The following ADAM2 variants were observed in gnomAD, a reference collection of about 807,000 sequenced individuals.
The protein encoded by ADAM2 is disintegrin and metalloproteinase domain-containing protein 2.
In ADAM2, 101 loss-of-function variants were observed where a neutral mutation model predicts 99.3. That is an observed-to-expected ratio of 1.02 (90% CI 0.87 to 1.20). The LOEUF is 1.20. Among genes scored for constraint, ADAM2 ranks in the 50% most tolerant of loss-of-function variants. The probability of loss-of-function intolerance (pLI) is 0.00; values close to 1 mark genes in which losing one functional copy is unlikely to be tolerated. For missense variants in ADAM2, 948 were observed against 878.7 expected, an observed-to-expected ratio of 1.08 and a Z score of -1.00; for synonymous variants, 323 against 287.6, an observed-to-expected ratio of 1.12 and a Z score of -1.25.
chr8:39,810,723 T>G (rs1563373247), intron 6 of ADAM2, among the ~76,000 whole-genome samples: 1 of 152,200 alleles, frequency 6.6e-6, no homozygotes, highest in Non-Finnish European at 1.5e-5. Flanking sequence ...ATAAAGATGT[T>G]CTTTGAAACC....
chr8:39,755,856 T>A lies in ADAM2; in HGVS notation c.1669A>T (p.Ile557Phe). 1.3e-6 allele frequency: 2 copies of A among 1,598,588 alleles called. No individual in the cohort carries two copies. Among genetic ancestry groups the A allele is most frequent in the Non-Finnish European group, 1.7e-6 (2 of 1,167,122 alleles). The change falls in exon 16 of 21, where the codon ATT becomes TTT. Residue 557 changes from isoleucine to phenylalanine, a missense_variant. Coordinates refer to ENST00000265708, the MANE Select transcript of ADAM2 (RefSeq NM_001464.5). Reference protein sequence around the residue: ...CKYVGKFLLQIPRATIIYANI... With the variant: ...CKYVGKFLLQFPRATIIYANI... Reference sequence around the variant, plus strand: ...GCATAAATAATAGTGGCTCTTGGAATTTGTAATAAAAATTTACCTACATAT... The same window carrying A: ...GCATAAATAATAGTGGCTCTTGGAAATTGTAATAAAAATTTACCTACATAT...
At chr8:39,749,253 C>A in intron 18 of ADAM2, 59 bp downstream of exon 18, 1 of 1,423,454 alleles carries the variant, frequency 7.0e-7, no homozygotes, top group Non-Finnish European at 9.6e-7. Flanking sequence ...TATTTGTTAT[C>A]CAATTTAATA....
At chr8:39,762,923 T>C (rs1308631985) in intron 14 of ADAM2, among the ~76,000 whole-genome samples, 1 of 152,218 alleles carries the variant, frequency 6.6e-6, no homozygotes, top group Non-Finnish European at 1.5e-5. Flanking sequence ...CCAATGGATT[T>C]TGTTTCTCTG....
intron 16 of ADAM2, among the ~76,000 whole-genome samples, chr8:39,754,560 G>A (rs1485671908): frequency 6.6e-6 from 1 of 152,100 alleles, no homozygotes; most frequent in East Asian, 1.9e-4. Context: ...TTTAATAAAA[G>A]CAAATGTGTT....
At chr8:39,827,438 T>A (rs1418802263) in intron 3 of ADAM2, among the ~76,000 whole-genome samples, 1 of 152,118 alleles carries the variant, frequency 6.6e-6, no homozygotes, top group East Asian at 1.9e-4. Context: ...GTAATAAACA[T>A]CTCCCAGGTT....
chr8:39,747,350 C>T (rs1057180878), intron 18 of ADAM2, among the ~76,000 whole-genome samples: 4 of 152,152 alleles, frequency 2.6e-5, no homozygotes, highest in African/African-American at 9.7e-5. Flanking sequence ...TCGCAAATCT[C>T]TTTGACATAA....
At chr8:39,797,207 C>T (rs1803998653) in intron 7 of ADAM2, among the ~76,000 whole-genome samples, 1 of 152,000 alleles carries the variant, frequency 6.6e-6, no homozygotes, top group Non-Finnish European at 1.5e-5. Flanking sequence ...CTTTAATCCA[C>T]CTTAAGTTAA....
At chr8:39,774,390 A>C (rs1355008690) in intron 11 of ADAM2, among the ~76,000 whole-genome samples, 1 of 152,060 alleles carries the variant, frequency 6.6e-6, no homozygotes, top group African/African-American at 2.4e-5. Flanking sequence ...ATATAATTAC[A>C]TGTGAATACA....
At chr8:39,810,431 G>A (rs192165689) in intron 6 of ADAM2, among the ~76,000 whole-genome samples, 116 of 152,274 alleles carry the variant, frequency 7.6e-4, no homozygotes, top group African/African-American at 2.6e-3. Context: ...GCACCAAGTG[G>A]ACCTAATAGA....
At chr8:39,767,489 G>T (rs1802617903) in intron 12 of ADAM2, among the ~76,000 whole-genome samples, 1 of 152,148 alleles carries the variant, frequency 6.6e-6, no homozygotes, top group Admixed American at 6.5e-5. Flanking sequence ...CTGATAAAAG[G>T]ATTCTCTGAA....
chr8:39,789,466 A>G (rs995954523), intron 7 of ADAM2, among the ~76,000 whole-genome samples: 1 of 151,786 alleles, frequency 6.6e-6, no homozygotes, highest in Non-Finnish European at 1.5e-5. Flanking sequence ...AGCACAGAAA[A>G]ATGAAAATTA....
At chr8:39,767,091 A>C (rs776931430) in intron 13 of ADAM2, 48 bp from the exon 14 acceptor site, 2 of 1,599,696 alleles carry the variant, frequency 1.3e-6, no homozygotes, top group South Asian at 2.2e-5. Context: ...ATGAGAATAC[A>C]TAAGCATAAT....
chr8:39,766,776 T>C (rs988770254), intron 14 of ADAM2, 72 bp downstream of exon 14: 2 of 985,334 alleles, frequency 2.0e-6, no homozygotes, highest in Non-Finnish European at 3.0e-6. Context: ...ATCACAATCA[T>C]GTATCAGCAT....
intron 7 of ADAM2, among the ~76,000 whole-genome samples, chr8:39,798,084 G>A (rs929680748): frequency 6.6e-6 from 1 of 152,226 alleles, no homozygotes; most frequent in African/African-American, 2.4e-5. Flanking sequence ...TGTTGAATAG[G>A]AGTAGTAAGA....
chr8:39,821,758 A>G (rs945793581), intron 4 of ADAM2, 96 bp from the exon 5 acceptor site: 4 of 813,622 alleles, frequency 4.9e-6, no homozygotes, highest in Non-Finnish European at 7.9e-6. Context: ...GTTTTTATGC[A>G]TCAAACACTC....
chr8:39,780,244 C>T (rs1279733383), intron 10 of ADAM2, among the ~76,000 whole-genome samples: 1 of 151,984 alleles, frequency 6.6e-6, no homozygotes, highest in Admixed American at 6.6e-5. Flanking sequence ...AAAGACTCAC[C>T]CCCATGATTC....
chr8:39,765,280 T>C (rs986705281), intron 14 of ADAM2, among the ~76,000 whole-genome samples: 2 of 152,214 alleles, frequency 1.3e-5, no homozygotes, highest in East Asian at 3.9e-4. Flanking sequence ...GGAAAGACTA[T>C]TGGTGGCCAC....
intron 11 of ADAM2, among the ~76,000 whole-genome samples, chr8:39,770,871 C>T (rs1009164003): frequency 1.3e-5 from 2 of 152,172 alleles, no homozygotes; most frequent in Admixed American, 6.5e-5. Flanking sequence ...GTGTTCTCCA[C>T]AACAACCACT....
chr8:39,798,118 G>A (rs1409176620), intron 7 of ADAM2, among the ~76,000 whole-genome samples: 1 of 152,180 alleles, frequency 6.6e-6, no homozygotes, highest in Non-Finnish European at 1.5e-5. Flanking sequence ...GCTTGTACAA[G>A]TTTTCAAAGG....
Sources: gnomAD v4.1 joint callset for allele counts (sites outside exome capture counted in the v4.1 genomes callset) on GRCh38, gnomAD v4.1.1 for gene constraint, MANE v1.5 for transcripts, NCBI Gene and HGNC (gene_info 2026-07-23, HGNC 2026-07-21) for gene names.